Variants in CUL3 observed in about 807,000 individuals in gnomAD.
CUL3 encodes the protein cullin-3.
CUL3 carries 19 observed loss-of-function variants against 89.1 expected under a neutral mutation model. That is an observed-to-expected ratio of 0.21 (90% CI 0.15 to 0.31). The LOEUF (loss-of-function observed/expected upper bound fraction) is 0.31, where lower values mean the gene tolerates loss of function less well. Ranked by LOEUF, CUL3 falls within the 10% of genes least tolerant of loss-of-function variation. The probability of loss-of-function intolerance (pLI) is 1.00; values close to 1 mark genes in which losing one functional copy is unlikely to be tolerated. For missense variants in CUL3, 469 were observed against 942.3 expected (o/e 0.50, Z 6.58); for synonymous variants, 351 against 308.4 (o/e 1.14, Z -1.45).
chr2:224,584,752 C>T (rs1233086448), intron 1 of CUL3, among the ~76,000 whole-genome samples, 192 bp downstream of exon 1: 1 of 146,476 alleles, frequency 6.8e-6, no homozygotes, highest in Non-Finnish European at 1.5e-5. Context: ...GCGCGGGGAA[C>T]GGCCCGGGAG....
chr2:224,535,371 CGCTGGCCAG>C (rs1693855427), intron 3 of CUL3, among the ~76,000 whole-genome samples, 148 bp downstream of exon 3: 1 of 152,120 alleles, frequency 6.6e-6, no homozygotes. Flanking sequence ...GGTTTTGCCA[CGCTGGCCAG>C]GCTGGTCTCA....
intron 1 of CUL3, among the ~76,000 whole-genome samples, chr2:224,567,737 C>T (rs1477321579): frequency 7.0e-6 from 1 of 142,046 alleles, no homozygotes; most frequent in African/African-American, 2.6e-5. Context: ...GAGACTCTGT[C>T]TCAAAAAAAA....
intron 11 of CUL3, among the ~76,000 whole-genome samples, chr2:224,499,166 C>A (rs1692280311): frequency 6.6e-6 from 1 of 152,206 alleles, no homozygotes; most frequent in African/African-American, 2.4e-5. Flanking sequence ...AAATCACAAA[C>A]TCCACAGAAA....
chr2:224,549,743 GAGAATGAAAGA>G (rs1694438982), intron 2 of CUL3, among the ~76,000 whole-genome samples: 1 of 152,066 alleles, frequency 6.6e-6, no homozygotes. Context: ...CTTATGAAAG[GAGAATGAAAGA>G]AGATGGCTCC....
At position 224,506,928 on chromosome 2, in the gene CUL3, T is replaced by C. The variant is rs772510228; in HGVS notation, c.959A>G (p.Tyr320Cys). 3.7e-6 allele frequency: 6 copies of C among 1,613,548 alleles called. No individual in the cohort carries two copies. The highest frequency in any genetic ancestry group is 5.1e-6 in the Non-Finnish European group (6 of 1,179,708). ...LKTMCECMSS[Y>C]LREQGKALVS... ...AAGAGCTTTACCTTGCTCCCTCAAA[T>C]AGGAACTCATACACTCACACATTGT... The change falls in exon 7 of 16, where the codon TAT becomes TGT. Residue 320 changes from tyrosine to cysteine, a missense_variant. Physicochemically the swap from Tyr to Cys is radical, Grantham distance 194. Around this residue, in one of 4 missense-constraint regions of CUL3, gnomAD observed 370 missense variants for 733.2 expected, o/e 0.50. Transcript: ENST00000264414.
intron 6 of CUL3, among the ~76,000 whole-genome samples, chr2:224,507,559 A>G (rs1346213005): frequency 6.6e-6 from 1 of 152,174 alleles, no homozygotes. Context: ...CCTCAGGTAA[A>G]GTTTTTATGA....
At chr2:224,489,684 C>T (rs1232856033) in intron 13 of CUL3, among the ~76,000 whole-genome samples, 1 of 152,182 alleles carries the variant, frequency 6.6e-6, no homozygotes, top group Non-Finnish European at 1.5e-5. Flanking sequence ...CTATTCCCAT[C>T]AAGCTACCAT....
rs1029278593 is a variant in CUL3, at chr2:224,478,226, T to A, written c.2149A>T (p.Met717Leu). 16 of 1,613,242 alleles carry A rather than the reference T, an allele frequency of 9.9e-6. No individual in the cohort carries two copies. The East Asian group carries it at 1.1e-4, about 11-fold the overall frequency. Residue 717 changes from methionine (M) to leucine (L), a missense_variant, in exon 15 of 16, where the codon ATG becomes TTG. Around this residue, in one of 4 missense-constraint regions of CUL3, gnomAD observed 65 missense variants for 147.8 expected, o/e 0.44. Transcript: ENST00000264414. ...IVRIMKSRKK[M>L]QHNVLVAEVT... ...TCCGCTACTAGAACATTGTGCTGCA[T>A]CTTCTTTCTAGATTTCATTATCCGC...
chr2:224,474,481 C>A, intron 15 of CUL3, 105 bp from the exon 16 acceptor site: 1 of 886,020 alleles, frequency 1.1e-6, no homozygotes, highest in South Asian at 2.1e-5. Context: ...ACTTTACTAA[C>A]TGGATTACCA....
intron 8 of CUL3, chr2:224,504,106 G>C (rs1206809288): frequency 1.2e-5 from 3 of 240,980 alleles, no homozygotes; most frequent in Non-Finnish European, 2.4e-5. Flanking sequence ...GCTGGGTTAA[G>C]GGATGATTGA....
At chr2:224,475,094 T>C (rs1691266038) in intron 15 of CUL3, among the ~76,000 whole-genome samples, 1 of 152,188 alleles carries the variant, frequency 6.6e-6, no homozygotes, top group Non-Finnish European at 1.5e-5. Context: ...CTCCGCTCAC[T>C]GCAAGCTCCG....
At chr2:224,484,016 C>CTGCT (rs1691626218) in intron 13 of CUL3, among the ~76,000 whole-genome samples, 1 of 152,232 alleles carries the variant, frequency 6.6e-6, no homozygotes, top group African/African-American at 2.4e-5. Flanking sequence ...ATAGCAAGAT[C>CTGCT]TGCTCTCTAC....
chr2:224,585,173 C>G lies in CUL3; in HGVS notation c.-164G>C. ...GGCCCCTGGGCAGCCGCGGCGGCGG[C>G]GGGGGCGGCGGCGGCGGCGGCGGCG... is the stretch of plus-strand genomic sequence containing the variant. On this transcript the variant is annotated 5_prime_UTR_variant, in exon 1 of 16. Transcript: ENST00000264414. The G allele has an allele frequency of 3.9e-6, 1 of 258,574 alleles. No homozygotes were observed. The highest frequency in any genetic ancestry group is 6.1e-6 in the Non-Finnish European group (1 of 164,324). The allele number at this position is 258,574 out of a possible 1,614,324, so 16.0% of individuals were successfully genotyped here.
At chr2:224,494,816 G>C (rs546821923) in intron 13 of CUL3, among the ~76,000 whole-genome samples, 1 of 151,964 alleles carries the variant, frequency 6.6e-6, no homozygotes, top group South Asian at 2.1e-4. Flanking sequence ...AAAGTAAATC[G>C]TTACAAATTC....
intron 3 of CUL3, among the ~76,000 whole-genome samples, chr2:224,527,537 C>G (rs578139175): frequency 6.6e-6 from 1 of 152,314 alleles, no homozygotes; most frequent in Non-Finnish European, 1.5e-5. Context: ...AACGTTCACA[C>G]TAATGAGCAA....
chr2:224,545,218 G>C (rs1694251492), intron 2 of CUL3, among the ~76,000 whole-genome samples: 1 of 151,986 alleles, frequency 6.6e-6, no homozygotes, highest in Non-Finnish European at 1.5e-5. Context: ...TGAGATTCCT[G>C]AATAATATAA....
intron 15 of CUL3, among the ~76,000 whole-genome samples, chr2:224,477,291 G>T (rs1272950935): frequency 4.6e-5 from 7 of 152,164 alleles, no homozygotes; most frequent in Non-Finnish European, 1.0e-4. Context: ...TTTCTCATGA[G>T]TTCCCAGGTG....
chr2:224,497,813 T>C lies in CUL3; in HGVS notation c.1647A>G (p.Thr549=), dbSNP rs746272319. 99 of 1,613,822 alleles carry C rather than the reference T, an allele frequency of 6.1e-5. No homozygotes were observed. The highest frequency in any genetic ancestry group is 8.2e-5 in the Non-Finnish European group (97 of 1,179,880). ...YLAKHSGRQL[T]LQHHMGSADL... ...CTGCAGAACCCATATGATGCTGGAG[T>C]GTGAGCTGTCGACCACTGTGTTTGG... Residue 549 remains threonine, a synonymous_variant, in exon 12 of 16, where the codon ACA becomes ACG. Transcript: ENST00000264414.
chr2:224,471,715 AT>A lies in CUL3; in HGVS notation c.*2529del, dbSNP rs1691137464. 4.5e-6 allele frequency: 1 copy of A among 222,790 alleles called. No individual in the cohort carries two copies. Among genetic ancestry groups the A allele is most frequent in the Non-Finnish European group, 9.0e-6 (1 of 111,446 alleles). 13.8% of individuals were successfully genotyped at this position (222,790 alleles called of 1,614,324 possible). ...TTTTTGTGAGGCTGTGCGTTCCCTA[AT>A]TGCAATGAATTTTCAGTCTTTAAAT... is the stretch of plus-strand genomic sequence containing the variant. On this transcript the variant is annotated 3_prime_UTR_variant, in exon 16 of 16. Transcript: ENST00000264414.
Sources: gnomAD v4.1 joint callset for allele counts (sites outside exome capture counted in the v4.1 genomes callset) on GRCh38, gnomAD v4.1.1 for gene constraint, gnomAD v4.1.1 regional missense constraint, MANE v1.5 for transcripts, NCBI Gene and HGNC (gene_info 2026-07-23, HGNC 2026-07-21) for gene names.